Variants in MYH11 observed in about 807,000 individuals in gnomAD.
MYH11 encodes the protein myosin heavy chain 11.
A neutral mutation model predicts 246.6 loss-of-function variants in MYH11; 80 were observed. That is an observed-to-expected ratio of 0.32 (90% confidence interval 0.27 to 0.39). The LOEUF is 0.39. Ranked by LOEUF, MYH11 falls within the 10% of genes least tolerant of loss-of-function variation. The probability of loss-of-function intolerance (pLI) is 1.00; values close to 1 mark genes in which losing one functional copy is unlikely to be tolerated. For synonymous variants in MYH11, 1,071 were observed against 1,015.5 expected (o/e 1.05, Z -1.04); for missense variants, 2,158 against 2,546.8 (o/e 0.85, Z 3.29).
intron 40 of MYH11, among the ~76,000 whole-genome samples, chr16:15,710,681 G>A (rs1010077408): frequency 6.6e-6 from 1 of 150,914 alleles, no homozygotes; most frequent in African/African-American, 2.4e-5. Context: ...GAGGGTTTTT[G>A]TTTTTTGTTT....
intron 3 of MYH11, among the ~76,000 whole-genome samples, chr16:15,812,975 TG>T (rs2043175015): frequency 6.6e-6 from 1 of 152,250 alleles, no homozygotes; most frequent in Non-Finnish European, 1.5e-5. Context: ...AAGACCAGTC[TG>T]GTCAACACGG....
chr16:15,773,648 T>G (rs745590850), intron 8 of MYH11, among the ~76,000 whole-genome samples: 14 of 152,262 alleles, frequency 9.2e-5, no homozygotes, highest in African/African-American at 3.4e-4. Flanking sequence ...GCAAATCTGG[T>G]CCCCTGTTGT....
At chr16:15,728,229 A>G (rs983149387) in intron 27 of MYH11, among the ~76,000 whole-genome samples, 4 of 152,182 alleles carry the variant, frequency 2.6e-5, no homozygotes, top group African/African-American at 9.7e-5. Flanking sequence ...ACTCCATCTC[A>G]ATCAATCAAT....
chr16:15,720,105 C>A (rs776516386), intron 34 of MYH11, 46 bp downstream of exon 34: 2 of 1,613,448 alleles, frequency 1.2e-6, no homozygotes, highest in Admixed American at 3.3e-5. Context: ...CTGAGGGGAA[C>A]TGTGCCCTCC....
intron 10 of MYH11, among the ~76,000 whole-genome samples, chr16:15,761,264 C>A (rs2041862077): frequency 6.6e-6 from 1 of 152,024 alleles, no homozygotes; most frequent in African/African-American, 2.4e-5. Context: ...GTGCCTGCCA[C>A]CACACCCAGC....
intron 27 of MYH11, among the ~76,000 whole-genome samples, chr16:15,731,106 T>C (rs986037159): frequency 2.0e-5 from 3 of 152,186 alleles, no homozygotes; most frequent in Admixed American, 6.5e-5. Context: ...ACGGGAGGCA[T>C]GAGCCGCCAT....
In MYH11 at chr16:15,718,339, G is replaced by T. The variant is rs146043349; in HGVS notation, c.5271C>A (p.Asp1757Glu). 98 of 1,609,092 alleles carry T rather than the reference G, an allele frequency of 6.1e-5. No homozygotes were observed. The African/African-American group carries it at 9.6e-4, about 16-fold the overall frequency. Residue 1757 changes from aspartate (D) to glutamate (E), a missense_variant, in exon 37 of 41, where the codon GAC (aspartate) becomes GAA (glutamate). By Grantham distance (45) the Asp-to-Glu change is conservative (BLOSUM62 2). This residue lies in a region of MYH11 where 1,013 missense variants were observed against 993.5 expected (regional missense o/e 1.02). Coordinates refer to ENST00000300036, the MANE Select transcript of MYH11 (RefSeq NM_002474.3). Reference protein sequence around the residue: ...EEQGNMEAMSDRVRKATQQAE... With the variant: ...EEQGNMEAMSERVRKATQQAE... Reference sequence around the variant, plus strand: ...CCTGCTGTGTGGCTTTGCGGACCCGGTCGCTCATGGCCTCCATGTTGCCCT... The same window carrying T: ...CCTGCTGTGTGGCTTTGCGGACCCGTTCGCTCATGGCCTCCATGTTGCCCT...
chr16:15,832,953 T>G (rs1333589476), intron 2 of MYH11, among the ~76,000 whole-genome samples: 11 of 12,922 alleles, frequency 8.5e-4, no homozygotes, highest in African/African-American at 4.3e-3. Context: ...CTTTTTTTTT[T>G]TTTTTTTTTT....
At chr16:15,824,998 C>A (rs764485014) in intron 2 of MYH11, among the ~76,000 whole-genome samples, 4 of 152,180 alleles carry the variant, frequency 2.6e-5, no homozygotes, top group Non-Finnish European at 5.9e-5. Context: ...TGCTCCTGAT[C>A]ATTAATACCT....
Position 15,750,400 on chromosome 16 carries a change from C to G in MYH11, c.1865-69G>C. The G allele has an allele frequency of 6.9e-7, 1 of 1,448,346 alleles. No homozygotes were observed. The allele number at this position is 1,448,346 out of a possible 1,614,324, so 89.7% of individuals were successfully genotyped here. A position where few individuals can be genotyped will look rare whatever the true frequency, so the allele number is the denominator to read the frequency against. ...CCCCTAAATAGGCCAGAGGCTCAGCCCCAGCCCCACCCACCAACCTGCCCA... is the reference window on the plus strand; with the variant it reads ...CCCCTAAATAGGCCAGAGGCTCAGCGCCAGCCCCACCCACCAACCTGCCCA... On this transcript the variant is annotated intron_variant, in intron 15 of 40. Transcript: ENST00000300036. This position sits in a 1 kb window ranked among gnomAD's most constrained non-coding sequence, Gnocchi z 4.3.
chr16:15,837,844 C>T (rs1265939924), intron 2 of MYH11, 64 bp downstream of exon 2: 1 of 1,479,386 alleles, frequency 6.8e-7, no homozygotes, highest in African/African-American at 1.4e-5. Context: ...CCTCCCAACA[C>T]ATTTCTAATG....
chr16:15,709,870 G>A (rs891473729), intron 40 of MYH11, among the ~76,000 whole-genome samples: 15 of 152,166 alleles, frequency 9.9e-5, no homozygotes, highest in African/African-American at 3.6e-4. Flanking sequence ...GCCTTGTACA[G>A]CTCTTGCCGG....
chr16:15,713,511 T>C (rs1188973421), intron 40 of MYH11: 1 of 152,234 alleles, frequency 6.6e-6, no homozygotes, highest in East Asian at 1.9e-4. Context: ...TTTTGGGTTT[T>C]TTGAGACAGG....
chr16:15,829,600 T>C (rs1473479630), intron 2 of MYH11, among the ~76,000 whole-genome samples: 1 of 152,044 alleles, frequency 6.6e-6, no homozygotes, highest in Non-Finnish European at 1.5e-5. Flanking sequence ...AATTCAGAGG[T>C]TTCAACATCC....
intron 4 of MYH11, chr16:15,790,955 CTTTTTTTTTTTT>C: frequency 8.5e-6 from 1 of 118,238 alleles, no homozygotes; most frequent in South Asian, 2.8e-4. Context: ...TTTTTCTTTT[CTTTTTTTTTTTT>C]TTTTTTTGAG....
At chr16:15,760,970 T>C (rs1203173017) in intron 10 of MYH11, among the ~76,000 whole-genome samples, 1 of 152,172 alleles carries the variant, frequency 6.6e-6, no homozygotes, top group Non-Finnish European at 1.5e-5. Context: ...TTGGAAAAGC[T>C]CTTTACCCTC....
intron 6 of MYH11, among the ~76,000 whole-genome samples, chr16:15,779,769 C>T (rs151297121): frequency 2.6e-5 from 4 of 152,336 alleles, no homozygotes; most frequent in East Asian, 3.9e-4. Context: ...GCCCTATCTA[C>T]CTGCCTCAGC....
At chr16:15,753,310 G>A in intron 15 of MYH11, 84 bp downstream of exon 15, 1 of 1,230,162 alleles carries the variant, frequency 8.1e-7, no homozygotes, top group Non-Finnish European at 1.2e-6. Context: ...CTCCCCTCCT[G>A]GGGCAGGTGT....
chr16:15,735,771 T>A (rs1460361174), intron 25 of MYH11, among the ~76,000 whole-genome samples, 193 bp from the exon 26 acceptor site: 1 of 152,360 alleles, frequency 6.6e-6, no homozygotes, highest in East Asian at 1.9e-4. Context: ...TGCCAAGGTC[T>A]GACATCAAAA....
Sources: allele counts gnomAD v4.1 joint callset (sites outside exome capture counted in the v4.1 genomes callset), GRCh38; gene constraint gnomAD v4.1.1; regional missense constraint gnomAD v4.1.1; non-coding constraint Gnocchi (gnomAD v3.1); transcripts MANE v1.5; gene names NCBI Gene and HGNC (gene_info 2026-07-23, HGNC 2026-07-21).